Variants in PTK2B observed in about 807,000 individuals in gnomAD.
PTK2B encodes protein-tyrosine kinase 2-beta.
PTK2B carries 71 observed loss-of-function variants against 142.9 expected under a neutral mutation model. The observed-to-expected ratio is 0.50, with a 90% CI of 0.41 to 0.61. PTK2B has a LOEUF of 0.61. Among genes scored for constraint, PTK2B ranks in the 20% least tolerant of loss-of-function variants. PTK2B has a pLI of 0.00. For missense variants in PTK2B, 1,105 were observed against 1,320.4 expected (o/e 0.84, Z 2.53); for synonymous variants, 519 against 503.4 (o/e 1.03, Z -0.42).
chr8:27,384,077 C>A (rs191179233), intron 1 of PTK2B, among the ~76,000 whole-genome samples: 1 of 151,758 alleles, frequency 6.6e-6, no homozygotes, highest in Admixed American at 6.6e-5. Flanking sequence ...CTCGAACTCC[C>A]GACCTCAGGT....
intron 2 of PTK2B, among the ~76,000 whole-genome samples, chr8:27,400,483 G>A (rs933159875): frequency 6.6e-5 from 10 of 151,858 alleles, no homozygotes; most frequent in Non-Finnish European, 1.5e-4. Context: ...ATGGGAGATG[G>A]GTTAGGAGGC....
At chr8:27,389,886 G>A (rs1181994342) in intron 1 of PTK2B, among the ~76,000 whole-genome samples, 1 of 152,166 alleles carries the variant, frequency 6.6e-6, no homozygotes, top group Non-Finnish European at 1.5e-5. Flanking sequence ...GCAGGGCACA[G>A]CCTTGCCCAG....
chr8:27,443,441 C>T (rs1045563184), intron 22 of PTK2B, among the ~76,000 whole-genome samples: 1 of 152,198 alleles, frequency 6.6e-6, no homozygotes, highest in Non-Finnish European at 1.5e-5. Flanking sequence ...AACAAAAGAC[C>T]ACAGACCAAG....
At chr8:27,354,508 C>T (rs938772420) in intron 1 of PTK2B, among the ~76,000 whole-genome samples, 1 of 152,172 alleles carries the variant, frequency 6.6e-6, no homozygotes, top group Non-Finnish European at 1.5e-5. Context: ...CAATTGAGGT[C>T]ACCTGCAATC....
chr8:27,357,718 A>T (rs1805467111), intron 1 of PTK2B, among the ~76,000 whole-genome samples: 1 of 152,220 alleles, frequency 6.6e-6, no homozygotes, highest in African/African-American at 2.4e-5. Flanking sequence ...GCCAAGAGTA[A>T]GTGAGATAAC....
At chr8:27,439,478 G>C in intron 20 of PTK2B, 80 bp downstream of exon 20, 3 of 1,439,924 alleles carry the variant, frequency 2.1e-6, no homozygotes, top group Non-Finnish European at 2.9e-6. Flanking sequence ...GGTGCAGGGA[G>C]CAGGGGTCTG....
intron 1 of PTK2B, among the ~76,000 whole-genome samples, chr8:27,334,492 G>A (rs1331662479): frequency 6.6e-5 from 10 of 152,174 alleles, no homozygotes; most frequent in Non-Finnish European, 1.3e-4. Flanking sequence ...CCTTTTGGAG[G>A]ACATCTGAGC....
At chr8:27,355,618 A>C (rs1334362650) in intron 1 of PTK2B, among the ~76,000 whole-genome samples, 1 of 152,230 alleles carries the variant, frequency 6.6e-6, no homozygotes, top group Non-Finnish European at 1.5e-5. Flanking sequence ...CTGGAGAGCA[A>C]CTTGGCAGCA....
chr8:27,392,024 C>A (rs564426554), intron 1 of PTK2B, among the ~76,000 whole-genome samples: 139 of 152,244 alleles, frequency 9.1e-4, no homozygotes, highest in Admixed American at 6.1e-3. Flanking sequence ...GCTTGGAGAG[C>A]CAGGAAGGTC....
In PTK2B at chr8:27,454,166, A is replaced by G; in HGVS notation, c.2608A>G (p.Thr870Ala). The change falls in exon 29 of 31, where the codon ACA becomes GCA. Residue 870 changes from threonine to alanine, a missense_variant. Transcript: ENST00000346049. The stretch of plus-strand genomic sequence containing the variant: ...GTCTTCCCCTCAGTCCATCCAGCCC[A>G]CAGCTAACCTGGACCGGACTGATGA... ...PRLGAQSIQP[T>A]ANLDRTDDLV... is the part of the protein sequence containing the mutation. The G allele has an allele frequency of 6.2e-7, 1 of 1,614,068 alleles. No individual in the cohort carries two copies. The highest frequency in any genetic ancestry group is 8.5e-7 in the Non-Finnish European group (1 of 1,179,980).
chr8:27,434,614 C>G (rs1466687930), intron 13 of PTK2B, 55 bp downstream of exon 13: 1 of 1,551,694 alleles, frequency 6.4e-7, no homozygotes, highest in South Asian at 1.2e-5. Flanking sequence ...TCTGCTTGCT[C>G]CCCACTGCTT....
intron 1 of PTK2B, among the ~76,000 whole-genome samples, chr8:27,330,431 C>A (rs1028250410): frequency 1.3e-5 from 2 of 152,222 alleles, no homozygotes; most frequent in African/African-American, 4.8e-5. Flanking sequence ...TAATCCCACT[C>A]TCAGTTCACT....
At chr8:27,322,838 A>G (rs1803251732), upstream of PTK2B, 1 of 140,386 alleles carries the variant, frequency 7.1e-6, no homozygotes, top group African/African-American at 3.3e-5. Flanking sequence ...CCTGGTCTCA[A>G]TTGCCCTTGG....
chr8:27,451,583 C>T (rs1394115963), intron 27 of PTK2B, 74 bp downstream of exon 27: 1 of 1,611,052 alleles, frequency 6.2e-7, no homozygotes. Context: ...TGCCCACCGC[C>T]CAGGGCAGGG....
chr8:27,445,436 A>G (rs1341930909), intron 23 of PTK2B, among the ~76,000 whole-genome samples: 1 of 152,158 alleles, frequency 6.6e-6, no homozygotes, highest in Non-Finnish European at 1.5e-5. Flanking sequence ...CAATTCATAC[A>G]TATCTGTATA....
At chr8:27,383,804 A>G (rs1185115505) in intron 1 of PTK2B, among the ~76,000 whole-genome samples, 1 of 148,038 alleles carries the variant, frequency 6.8e-6, no homozygotes, top group East Asian at 2.0e-4. Flanking sequence ...TCCCACCTCA[A>G]CCTTCTGAGT....
At chr8:27,311,293 C>A (rs573970175), upstream of PTK2B, 185 of 1,444,380 alleles carry the variant, frequency 1.3e-4, no homozygotes, top group South Asian at 2.6e-3. Context: ...CCCACCCGCC[C>A]GGCTGCCAAC....
intron 2 of PTK2B, among the ~76,000 whole-genome samples, chr8:27,410,232 C>T (rs558735029): frequency 2.7e-4 from 41 of 152,278 alleles, no homozygotes; most frequent in South Asian, 6.2e-4. Flanking sequence ...TTGGAGGAAG[C>T]GTGTTGATGG....
intron 1 of PTK2B, among the ~76,000 whole-genome samples, chr8:27,391,983 GA>G (rs1241977352): frequency 4.6e-5 from 7 of 152,212 alleles, no homozygotes. Context: ...GTCTGGGGCA[GA>G]CCAGGAAGCA....
Sources: gnomAD v4.1 joint callset for allele counts (sites outside exome capture counted in the v4.1 genomes callset) on GRCh38, gnomAD v4.1.1 for gene constraint, MANE v1.5 for transcripts, NCBI Gene and HGNC (gene_info 2026-07-23, HGNC 2026-07-21) for gene names.